The following MED13L variants were observed in gnomAD, a reference collection of about 807,000 sequenced individuals.
The protein encoded by MED13L is mediator of RNA polymerase II transcription subunit 13-like.
In MED13L, 7 loss-of-function variants were observed where a neutral mutation model predicts 220.9. The ratio of observed to expected loss-of-function variants is 0.03; its 90% CI spans 0.02 to 0.06. The LOEUF is 0.06. Ranked by LOEUF, MED13L falls within the 10% of genes least tolerant of loss-of-function variation. The probability of loss-of-function intolerance (pLI) is 1.00; values close to 1 mark genes in which losing one functional copy is unlikely to be tolerated. For missense variants in MED13L, 1,965 were observed against 2,760.5 expected (o/e 0.71, Z 6.46); for synonymous variants, 1,011 against 1,015.2 (o/e 1.00, Z 0.08).
chr12:116,097,392 C>T (rs535276254), intron 3 of MED13L, among the ~76,000 whole-genome samples: 23 of 152,124 alleles, frequency 1.5e-4, no homozygotes, highest in South Asian at 4.2e-4. Flanking sequence ...GTGATCCACC[C>T]GCCTCAGCCT....
intron 2 of MED13L, among the ~76,000 whole-genome samples, chr12:116,139,970 CAAAAAAAAAA>C (rs36124478): frequency 1.6e-5 from 1 of 63,902 alleles, no homozygotes; most frequent in South Asian, 5.0e-4. Context: ...AACTCCATCT[CAAAAAAAAAA>C]AAAAAAAAAA....
intron 1 of MED13L, among the ~76,000 whole-genome samples, chr12:116,273,318 TAAAA>T (rs1223377660): frequency 1.3e-5 from 2 of 151,522 alleles, no homozygotes; most frequent in Admixed American, 1.3e-4. Flanking sequence ...AAATAAAAAA[TAAAA>T]AGAAAGAAAA....
chr12:116,256,874 C>T (rs552930815), intron 1 of MED13L, among the ~76,000 whole-genome samples: 5 of 151,776 alleles, frequency 3.3e-5, no homozygotes, highest in African/African-American at 7.3e-5. Context: ...TTAGTAGAGA[C>T]GAGGTTTCAC....
chr12:116,019,013 T>G (rs1243110060), intron 7 of MED13L, among the ~76,000 whole-genome samples: 1 of 152,000 alleles, frequency 6.6e-6, no homozygotes, highest in African/African-American at 2.4e-5. Flanking sequence ...TTAATAACAA[T>G]AAAGACTAAT....
intron 2 of MED13L, among the ~76,000 whole-genome samples, chr12:116,158,398 A>G (rs1279516397): frequency 6.6e-6 from 1 of 152,190 alleles, no homozygotes; most frequent in Non-Finnish European, 1.5e-5. Flanking sequence ...AAAATATCCT[A>G]TTTCAGAAAT....
intron 1 of MED13L, among the ~76,000 whole-genome samples, chr12:116,240,717 T>C (rs1047635214): frequency 5.3e-5 from 8 of 150,362 alleles, no homozygotes; most frequent in Non-Finnish European, 7.4e-5. Context: ...TTTGTATTTT[T>C]AGTAGAGACG....
intron 4 of MED13L, among the ~76,000 whole-genome samples, chr12:116,031,566 T>C (rs1880739295): frequency 1.7e-5 from 2 of 115,352 alleles, no homozygotes; most frequent in South Asian, 3.0e-4. Flanking sequence ...CACTCCAGCC[T>C]GGGCAACAGA....
At chr12:115,981,070 TAAA>T (rs530497961) in intron 22 of MED13L, 132 bp from the exon 23 acceptor site, 1 of 711,714 alleles carries the variant, frequency 1.4e-6, no homozygotes, top group Non-Finnish European at 2.4e-6. Context: ...ACCTCAGCCT[TAAA>T]ATATATCTGT....
At chr12:116,019,193 T>C in intron 7 of MED13L, 31 bp downstream of exon 7, 1 of 1,600,196 alleles carries the variant, frequency 6.2e-7, no homozygotes, top group Non-Finnish European at 8.5e-7. Flanking sequence ...TGAGATCTCT[T>C]CTCCCCAGGA....
intron 16 of MED13L, among the ~76,000 whole-genome samples, chr12:115,995,770 G>A (rs2062033005): frequency 6.6e-6 from 1 of 152,024 alleles, no homozygotes; most frequent in Non-Finnish European, 1.5e-5. Flanking sequence ...GCCTACCATT[G>A]GGGAAATCAT....
chr12:116,081,260 C>G (rs994912569), intron 4 of MED13L, among the ~76,000 whole-genome samples: 1 of 152,164 alleles, frequency 6.6e-6, no homozygotes, highest in African/African-American at 2.4e-5. Flanking sequence ...CATACCTGTT[C>G]CCTCACTAAT....
intron 1 of MED13L, among the ~76,000 whole-genome samples, chr12:116,269,587 G>A (rs1189181450): frequency 6.6e-6 from 1 of 152,152 alleles, no homozygotes. Flanking sequence ...AACATTTGGG[G>A]AGGCTGCGGT....
intron 4 of MED13L, among the ~76,000 whole-genome samples, chr12:116,093,727 A>G (rs1872436753): frequency 6.6e-6 from 1 of 152,024 alleles, no homozygotes; most frequent in African/African-American, 2.4e-5. Context: ...ATATGCTAGT[A>G]TTACACTATA....
chr12:116,134,385 T>A (rs1422387951), intron 2 of MED13L, among the ~76,000 whole-genome samples: 1 of 152,166 alleles, frequency 6.6e-6, no homozygotes, highest in East Asian at 1.9e-4. Flanking sequence ...GAATTTACAA[T>A]TTATATTACA....
Position 115,991,270 on chromosome 12 carries a change from G to A in MED13L, c.3684C>T (p.Leu1228=), listed in dbSNP as rs752119721. ...AAGGTTGTGTGTGTTGATTCTGGAG[G>A]AGGAGGAGAAGGCTTATGGGTGGCT... ...PQEPPISLLL[L]LQNQHTQPFA... Residue 1228 remains leucine (L), a synonymous_variant, in exon 17 of 31, where the codon CTC becomes CTT. Coordinates refer to ENST00000281928, the MANE Select transcript of MED13L (RefSeq NM_015335.5). This position sits in a 1 kb window ranked among gnomAD's most constrained non-coding sequence, Gnocchi z 7.7. The A allele has an allele frequency of 6.2e-7, 1 of 1,614,210 alleles. No homozygotes were observed. Among genetic ancestry groups the A allele is most frequent in the Non-Finnish European group, 8.5e-7 (1 of 1,180,030 alleles).
At position 116,189,574 on chromosome 12, in the gene MED13L, G is replaced by T. The variant is rs557626677; in HGVS notation, c.310+47894C>A. On this transcript the variant is annotated intron_variant, in intron 2 of 30. Transcript: ENST00000281928. ...AGTTCTAAGAACTATAATCCTAGAT[G>T]CCAAAGATTTCTTTTTCCCAAAAGT... Among the ~76,000 whole-genome samples the T allele has an allele frequency of 2.6e-5, 4 of 152,168 alleles. No individual in the cohort carries two copies. In the South Asian group the frequency reaches 8.3e-4, roughly 32 times the overall value.
intron 4 of MED13L, among the ~76,000 whole-genome samples, chr12:116,071,050 T>C (rs1282864329): frequency 6.6e-6 from 1 of 152,160 alleles, no homozygotes; most frequent in East Asian, 1.9e-4. Context: ...AATATCAGTA[T>C]TTTTAATGAA....
rs150079871 is a variant in MED13L at position 116,195,627 on chromosome 12, T to C, written c.310+41841A>G. The stretch of plus-strand genomic sequence containing the variant: ...CTACCACACCAGCTAATTTTTGTAT[T>C]TTCAGTAGAGACAGGATTTTGCCAT... On this transcript the variant is annotated intron_variant, in intron 2 of 30. Transcript: ENST00000281928. Among the ~76,000 whole-genome samples the C allele has an allele frequency of 7.3e-3, 1,112 of 152,114 alleles. 21 individuals are homozygous for C. The highest frequency in any genetic ancestry group is 0.025 in the African/African-American group (1,046 of 41,486).
intron 30 of MED13L, among the ~76,000 whole-genome samples, chr12:115,963,195 C>CCTAT (rs1875890615): frequency 6.6e-6 from 1 of 152,148 alleles, no homozygotes; most frequent in Admixed American, 6.5e-5. Context: ...ACTATAAATG[C>CCTAT]CTATCACTGC....
Sources: allele counts gnomAD v4.1 joint callset (sites outside exome capture counted in the v4.1 genomes callset), GRCh38; gene constraint gnomAD v4.1.1; non-coding constraint Gnocchi (gnomAD v3.1); transcripts MANE v1.5; gene names NCBI Gene and HGNC (gene_info 2026-07-23, HGNC 2026-07-21).